Variants in PITPNM2 observed in about 807,000 individuals in gnomAD.
The protein encoded by PITPNM2 is membrane-associated phosphatidylinositol transfer protein 2.
A neutral mutation model predicts 132.2 loss-of-function variants in PITPNM2; 35 were observed. The observed-to-expected ratio is 0.26, with a 90% confidence interval of 0.20 to 0.35. The LOEUF is 0.35. PITPNM2 is among the 10% of genes least tolerant of loss of function. The pLI is 1.00. For synonymous variants in PITPNM2, 738 were observed against 799.2 expected (o/e 0.92, Z 1.29); for missense variants, 1,332 against 1,912.0 (o/e 0.70, Z 5.66).
intron 2 of PITPNM2, among the ~76,000 whole-genome samples, chr12:123,103,988 C>G (rs532728985): frequency 1.3e-5 from 2 of 151,834 alleles, no homozygotes; most frequent in African/African-American, 2.4e-5. Flanking sequence ...CTTGGCTAAC[C>G]GCAACCTCCG....
At chr12:123,121,324 T>C (rs1218015801) in intron 1 of PITPNM2, among the ~76,000 whole-genome samples, 2 of 152,200 alleles carry the variant, frequency 1.3e-5, no homozygotes, top group African/African-American at 4.8e-5. Flanking sequence ...CAGTAGGACA[T>C]GATCATGCCC....
chr12:123,088,251 G>C (rs1286773354), intron 2 of PITPNM2: 1 of 152,064 alleles, frequency 6.6e-6, no homozygotes, highest in East Asian at 1.9e-4. Flanking sequence ...TACATGACTT[G>C]CTTTCTAAAT....
At chr12:123,123,716 A>G (rs1051031984) in intron 1 of PITPNM2, among the ~76,000 whole-genome samples, 9 of 152,134 alleles carry the variant, frequency 5.9e-5, no homozygotes, top group East Asian at 1.9e-4. Flanking sequence ...AGGTGGATCA[A>G]TTGAGGCCAG....
intron 2 of PITPNM2, among the ~76,000 whole-genome samples, chr12:123,094,406 T>C (rs182336033): frequency 4.2e-4 from 64 of 152,320 alleles, no homozygotes; most frequent in African/African-American, 1.5e-3. Flanking sequence ...CCCAGCAGGC[T>C]GAAGCGGAGC....
In PITPNM2 at chr12:123,008,458, A is replaced by T. The variant is rs1454113103; in HGVS notation, c.643+1392T>A. ...TGCCCAGGATAGGGGAGCCCCTCCC[A>T]GTCCTGCCCACATGCTCCTCCACTC... On this transcript the variant is annotated intron_variant, in intron 6 of 25. Coordinates refer to ENST00000320201, the MANE Select transcript of PITPNM2 (RefSeq NM_020845.3). The surrounding 1 kb of genome is among the most constrained non-coding windows in gnomAD (Gnocchi z 4.1). Among the ~76,000 whole-genome samples the T allele has an allele frequency of 6.6e-6, 1 of 152,184 alleles. No individual in the cohort carries two copies. The highest frequency in any genetic ancestry group is 1.5e-5 in the Non-Finnish European group (1 of 68,024).
intron 2 of PITPNM2, among the ~76,000 whole-genome samples, chr12:123,056,705 C>A (rs965686889): frequency 2.0e-5 from 3 of 152,248 alleles, no homozygotes; most frequent in African/African-American, 7.2e-5. Flanking sequence ...TCCCTGTCCT[C>A]TCCCGGGATG....
intron 3 of PITPNM2, among the ~76,000 whole-genome samples, chr12:123,027,554 T>C (rs551581403): frequency 4.1e-4 from 63 of 152,236 alleles, no homozygotes; most frequent in African/African-American, 1.4e-3. Flanking sequence ...CATCTGGGGA[T>C]GGGGATGAAT....
At chr12:123,076,773 A>G (rs2041803806) in intron 2 of PITPNM2, among the ~76,000 whole-genome samples, 1 of 152,188 alleles carries the variant, frequency 6.6e-6, no homozygotes, top group Non-Finnish European at 1.5e-5. Flanking sequence ...AACACTTCCT[A>G]TTTAAAGATC....
At chr12:123,042,329 G>A (rs920369714) in intron 2 of PITPNM2, among the ~76,000 whole-genome samples, 1 of 152,348 alleles carries the variant, frequency 6.6e-6, no homozygotes. Flanking sequence ...TTTGGCCCAG[G>A]ACGAGGCGAC....
intron 2 of PITPNM2, among the ~76,000 whole-genome samples, chr12:123,037,558 A>G (rs1028730489): frequency 5.3e-5 from 8 of 152,188 alleles, no homozygotes; most frequent in South Asian, 2.1e-4. Flanking sequence ...AGTCATCTAA[A>G]TAACATGGTC....
At chr12:123,055,308 C>G (rs1414196797) in intron 2 of PITPNM2, among the ~76,000 whole-genome samples, 1 of 152,200 alleles carries the variant, frequency 6.6e-6, no homozygotes, top group Admixed American at 6.5e-5. Flanking sequence ...ACGTGCCACC[C>G]TTTCATCATG....
chr12:123,009,287 C>T lies in PITPNM2; in HGVS notation c.643+563G>A, dbSNP rs980780795. ...CTAGGTGAGGAAATGGCACTCACTG[C>T]ACCAGGACCCCCAGGCCATCTGCTG... On this transcript the variant is annotated intron_variant, in intron 6 of 25. Coordinates refer to ENST00000320201, the MANE Select transcript of PITPNM2 (RefSeq NM_020845.3). The surrounding 1 kb of genome is among the most constrained non-coding windows in gnomAD (Gnocchi z 4.8). Among the ~76,000 whole-genome samples the T allele has an allele frequency of 6.6e-6, 1 of 152,178 alleles. No homozygotes were observed.
intron 2 of PITPNM2, among the ~76,000 whole-genome samples, chr12:123,079,487 T>G (rs1160976676): frequency 1.3e-5 from 2 of 148,984 alleles, no homozygotes; most frequent in Non-Finnish European, 3.0e-5. Context: ...GCTGGGATTA[T>G]AGGCGCCCAC....
At chr12:123,002,655 C>T (rs778561479) in intron 8 of PITPNM2, among the ~76,000 whole-genome samples, 1 of 152,162 alleles carries the variant, frequency 6.6e-6, no homozygotes, top group Non-Finnish European at 1.5e-5. Context: ...TGGGCTTAAG[C>T]GATCCCAAAG....
At chr12:123,128,366 C>A (rs1435330369) in intron 1 of PITPNM2, among the ~76,000 whole-genome samples, 1 of 132,638 alleles carries the variant, frequency 7.5e-6, no homozygotes, top group Admixed American at 8.3e-5. Context: ...CACTTGAGCA[C>A]AGGAGGTGGA....
At chr12:123,016,347 C>T (rs1275379597) in intron 3 of PITPNM2, among the ~76,000 whole-genome samples, 2 of 148,574 alleles carry the variant, frequency 1.3e-5, no homozygotes, top group African/African-American at 4.9e-5. Context: ...TATGAAATCT[C>T]GCTCTGTCAC....
At chr12:123,136,772 C>G (rs2043390847) in intron 1 of PITPNM2, among the ~76,000 whole-genome samples, 1 of 152,160 alleles carries the variant, frequency 6.6e-6, no homozygotes, top group Non-Finnish European at 1.5e-5. Flanking sequence ...TGGCAGGCGC[C>G]TGTAGTCCCA....
At position 123,004,664 on chromosome 12, in the gene PITPNM2, C is replaced by T; in HGVS notation, c.953-175G>A. ...AAGTGTGTAAATGAGTGGGGAGCGGCCTAGGCTCATCTCCTGTCCGCCTGG... is the reference window on the plus strand; with the variant it reads ...AAGTGTGTAAATGAGTGGGGAGCGGTCTAGGCTCATCTCCTGTCCGCCTGG... On this transcript the variant is annotated intron_variant, in intron 7 of 25. Transcript: ENST00000320201. The surrounding 1 kb of genome is among the most constrained non-coding windows in gnomAD (Gnocchi z 4.9). The T allele has an allele frequency of 3.1e-6, 2 of 641,022 alleles. No individual in the cohort carries two copies. Among genetic ancestry groups the T allele is most frequent in the East Asian group, 5.5e-5 (2 of 36,540 alleles). The allele number at this position is 641,022 out of a possible 1,614,324, so 39.7% of individuals were successfully genotyped here. A position where few individuals can be genotyped will look rare whatever the true frequency, so the allele number is the denominator to read the frequency against.
chr12:123,101,330 C>A (rs954068428), intron 2 of PITPNM2, among the ~76,000 whole-genome samples: 1 of 152,220 alleles, frequency 6.6e-6, no homozygotes, highest in African/African-American at 2.4e-5. Flanking sequence ...CACCTCCCCA[C>A]TCCTCTCTCA....
Sources: gnomAD v4.1 joint callset for allele counts (sites outside exome capture counted in the v4.1 genomes callset) on GRCh38, gnomAD v4.1.1 for gene constraint, Gnocchi (gnomAD v3.1) non-coding constraint, MANE v1.5 for transcripts, NCBI Gene and HGNC (gene_info 2026-07-23, HGNC 2026-07-21) for gene names.